IRF2: variants seen among roughly 807,000 people sequenced by gnomAD.
IRF2 encodes the protein interferon regulatory factor 2.
Under a neutral mutation model 40.6 loss-of-function variants are expected in IRF2, and 15 were observed. The observed-to-expected ratio is 0.37, with a 90% CI of 0.25 to 0.57. The LOEUF (loss-of-function observed/expected upper bound fraction) is 0.57. Among genes scored for constraint, IRF2 ranks in the 20% least tolerant of loss-of-function variants. IRF2 has a pLI of 0.77. For synonymous variants in IRF2, 151 were observed against 165.5 expected (o/e 0.91, Z 0.67); for missense variants, 317 against 455.7 (o/e 0.70, Z 2.77).
At chr4:184,472,559 A>G (rs973795644) in intron 1 of IRF2, 18 of 152,200 alleles carry the variant, frequency 1.2e-4, no homozygotes, top group African/African-American at 7.2e-5. Context: ...AGTCACAGCC[A>G]TAAGGAGGCC....
intron 1 of IRF2, among the ~76,000 whole-genome samples, chr4:184,451,921 C>T (rs1168781126): frequency 2.6e-5 from 4 of 152,212 alleles, no homozygotes; most frequent in African/African-American, 9.7e-5. Context: ...GATAAGTTAG[C>T]AGCTGTCTGG....
rs544928838 is a variant in IRF2, at chr4:184,443,817, A to C, written c.-6-14747T>G. 4.2e-4 allele frequency among the ~76,000 whole-genome samples: 64 copies of C among 152,276 alleles called. 1 individual carries two copies. Among genetic ancestry groups the C allele is most frequent in the African/African-American group, 1.5e-3 (61 of 41,558 alleles). ...AGTTTTAAATCCACCCATCCCAGAA[A>C]GCTTTCCCTAGCCAGTGTAAGCTCA... On this transcript the variant is annotated intron_variant, in intron 1 of 8. Transcript: ENST00000393593.
chr4:184,414,611 G>A (rs143006123), intron 5 of IRF2, among the ~76,000 whole-genome samples: 1 of 152,378 alleles, frequency 6.6e-6, no homozygotes, highest in Non-Finnish European at 1.5e-5. Context: ...TGCTCACAAA[G>A]CGAAATGTCA....
chr4:184,417,661 C>T (rs1406547171), intron 5 of IRF2, among the ~76,000 whole-genome samples: 1 of 152,216 alleles, frequency 6.6e-6, no homozygotes, highest in Non-Finnish European at 1.5e-5. Context: ...CTACAGTGGA[C>T]AGAAGGCAGC....
At chr4:184,433,144 T>C (rs3756095) in intron 1 of IRF2, among the ~76,000 whole-genome samples, 32,757 of 152,060 alleles carry the variant, frequency 0.22, 4,087 homozygotes, top group East Asian at 0.4. Context: ...AGCAAAAGAA[T>C]GATAGGGTCA....
intron 1 of IRF2, among the ~76,000 whole-genome samples, chr4:184,433,989 G>A (rs531806499): frequency 1.2e-4 from 19 of 152,308 alleles, no homozygotes; most frequent in Admixed American, 7.2e-4. Context: ...TTATGTTTCC[G>A]GAGATTAAAA....
chr4:184,410,237 G>A lies in IRF2; in HGVS notation c.412-1962C>T, dbSNP rs1404911951. Among the ~76,000 whole-genome samples the A allele has an allele frequency of 3.9e-5, 6 of 152,204 alleles. No homozygotes were observed. The East Asian group carries it at 1.2e-3, about 29-fold the overall frequency. ...CTGTAAGCCACCCTAGGGCACTGCG[G>A]ACAGTTGTAAACTGAGGACAATAAT... is the stretch of plus-strand genomic sequence containing the variant. On this transcript the variant is annotated intron_variant, in intron 5 of 8. Coordinates refer to ENST00000393593, the MANE Select transcript of IRF2 (RefSeq NM_002199.4).
chr4:184,403,750 T>G (rs918206363), intron 6 of IRF2, among the ~76,000 whole-genome samples: 3 of 152,248 alleles, frequency 2.0e-5, no homozygotes, highest in Admixed American at 2.0e-4. Flanking sequence ...ATAAAAACTT[T>G]TGAATCTCAC....
chr4:184,442,879 T>A (rs1378956103), intron 1 of IRF2, among the ~76,000 whole-genome samples: 7 of 79,276 alleles, frequency 8.8e-5, no homozygotes, highest in African/African-American at 3.4e-4. Context: ...AGAAGATAAC[T>A]TTGTGGGGGT....
chr4:184,446,373 A>C (rs1033243341), intron 1 of IRF2, among the ~76,000 whole-genome samples: 6 of 152,200 alleles, frequency 3.9e-5, no homozygotes, highest in Admixed American at 1.3e-4. Context: ...CACAGAATAC[A>C]AAAGCCCATG....
chr4:184,400,718 A>G (rs1736635092), intron 6 of IRF2, among the ~76,000 whole-genome samples: 1 of 152,222 alleles, frequency 6.6e-6, no homozygotes, highest in Admixed American at 6.5e-5. Context: ...CAGCCTCGGC[A>G]GCATTTCGTG....
rs1259668400 is a variant in IRF2, at chr4:184,416,210, A to C, written c.411+1957T>G. ...ACACACCTGTAGACCCAACTACTAGAGGGAGGCTGAGGCGGGAGGATCACC... is the reference window on the plus strand; with the variant it reads ...ACACACCTGTAGACCCAACTACTAGCGGGAGGCTGAGGCGGGAGGATCACC... On this transcript the variant is annotated intron_variant, in intron 5 of 8. Transcript: ENST00000393593. 4.0e-5 allele frequency among the ~76,000 whole-genome samples: 6 copies of C among 151,038 alleles called. No homozygotes were observed. In the Admixed American group the frequency reaches 4.0e-4, roughly 10 times the overall value.
At chr4:184,429,400 C>T (rs1208027056) in intron 1 of IRF2, among the ~76,000 whole-genome samples, 1 of 152,196 alleles carries the variant, frequency 6.6e-6, no homozygotes, top group African/African-American at 2.4e-5. Context: ...TGTTTTGAGG[C>T]TTCCGTTGCT....
Position 184,469,673 on chromosome 4 carries a change from T to G in IRF2, c.-7+4706A>C, listed in dbSNP as rs187569548. 1.1e-4 allele frequency among the ~76,000 whole-genome samples: 17 copies of G among 152,278 alleles called. No individual in the cohort carries two copies. In the East Asian group the frequency reaches 3.3e-3, roughly 29 times the overall value. On this transcript the variant is annotated intron_variant, in intron 1 of 8. Transcript: ENST00000393593. ...CTGGTGGACAGAGTGAGACTTTGAC[T>G]CTAATAAAAGAAAAAGGATACATGA...
chr4:184,446,864 G>A (rs907072046), intron 1 of IRF2, among the ~76,000 whole-genome samples: 4 of 152,034 alleles, frequency 2.6e-5, no homozygotes, highest in Admixed American at 6.6e-5. Flanking sequence ...CTGAGGCAGG[G>A]AGAATTGCTT....
intron 1 of IRF2, chr4:184,472,242 G>C (rs1265462300): frequency 6.6e-6 from 1 of 152,194 alleles, no homozygotes; most frequent in Non-Finnish European, 1.5e-5. Flanking sequence ...ATAAAGGAAA[G>C]TTGGGGAAAT....
intron 1 of IRF2, among the ~76,000 whole-genome samples, chr4:184,434,396 T>C (rs1355918449): frequency 6.6e-6 from 1 of 152,204 alleles, no homozygotes; most frequent in Non-Finnish European, 1.5e-5. Flanking sequence ...ATACGATGAA[T>C]CATAATCTGA....
At chr4:184,430,282 C>CAG (rs1364823577) in intron 1 of IRF2, among the ~76,000 whole-genome samples, 16 of 136,616 alleles carry the variant, frequency 1.2e-4, no homozygotes, top group Admixed American at 5.1e-4. Flanking sequence ...ATGCCTCCTG[C>CAG]TGTCTGGCCC....
intron 1 of IRF2, among the ~76,000 whole-genome samples, chr4:184,454,449 C>T (rs1456796055): frequency 6.6e-6 from 1 of 152,128 alleles, no homozygotes; most frequent in Non-Finnish European, 1.5e-5. Context: ...GAAAAAGAGC[C>T]AAAATTGCTA....
Sources: gnomAD v4.1 joint callset for allele counts (sites outside exome capture counted in the v4.1 genomes callset) on GRCh38, gnomAD v4.1.1 for gene constraint, MANE v1.5 for transcripts, NCBI Gene and HGNC (gene_info 2026-07-23, HGNC 2026-07-21) for gene names.